Variants in POGLUT2 observed in about 807,000 individuals in gnomAD.
POGLUT2 encodes the protein protein O-glucosyltransferase 2.
In POGLUT2, 47 loss-of-function variants were observed where a neutral mutation model predicts 57.6. The observed-to-expected ratio is 0.82, with a 90% CI of 0.65 to 1.04. The LOEUF is 1.04. Ranked by LOEUF, POGLUT2 falls within the 50% of genes least tolerant of loss-of-function variation. POGLUT2 has a pLI of 0.00. For missense variants in POGLUT2, 565 were observed against 614.8 expected (o/e 0.92, Z 0.86); for synonymous variants, 200 against 218.8 (o/e 0.91, Z 0.76).
rs766142831 is a variant in POGLUT2 at position 102,791,249 on chromosome 13, A to C, written c.845+9T>G. ...CAAGGCTCTGGGCCAACCCTGACTT[A>C]TCTCTCACCGGCCCATGGTTTCCAG... On this transcript the variant is annotated intron_variant, in intron 5 of 9. Transcript: ENST00000376004. 1.8e-5 allele frequency: 28 copies of C among 1,599,422 alleles called. No individual in the cohort carries two copies. The highest frequency in any genetic ancestry group is 2.2e-5 in the East Asian group (1 of 44,750).
Position 102,789,151 on chromosome 13 carries a change from C to T in POGLUT2, c.1154G>A (p.Ser385Asn). The change falls in exon 7 of 10, where the codon AGT becomes AAT. Residue 385 changes from serine to asparagine, a missense_variant. Physicochemically the swap from Ser to Asn is conservative, Grantham distance 46. Coordinates refer to ENST00000376004, the MANE Select transcript of POGLUT2 (RefSeq NM_024089.3). ...GATGGAATCCTGCTTCAGCACAACA[C>T]TGTCACCAACTAGCAAATATGGCAG... is the stretch of plus-strand genomic sequence containing the variant. The part of the protein sequence containing the change: ...YRLPYLLVGD[S>N]VVLKQDSIYY... 1.9e-6 allele frequency: 3 copies of T among 1,614,182 alleles called. No individual in the cohort carries two copies. The highest frequency in any genetic ancestry group is 2.5e-6 in the Non-Finnish European group (3 of 1,180,002).
intron 6 of POGLUT2, among the ~76,000 whole-genome samples, chr13:102,789,650 T>C (rs1407199695): frequency 6.6e-6 from 1 of 152,138 alleles, no homozygotes; most frequent in Non-Finnish European, 1.5e-5. Flanking sequence ...CAGGCTGGAG[T>C]GTAGTGGCGT....
In POGLUT2 at chr13:102,788,976, CAAGTGGAAAT is replaced by C. The variant is rs747219560; in HGVS notation, c.1293+26_1293+35del. 3.9e-6 allele frequency: 6 copies of C among 1,520,200 alleles called. No individual in the cohort carries two copies. In the Admixed American group the frequency reaches 1.0e-4, roughly 25 times the overall value. The allele number at this position is 1,520,200 out of a possible 1,614,324, so 94.2% of individuals were successfully genotyped here. A position where few individuals can be genotyped will look rare whatever the true frequency, so the allele number is the denominator to read the frequency against. Reference sequence around the variant, plus strand: ...CAAAAGGACCCATGATATTGGGAAACAAGTGGAAATAAGCCTTCAAGGGGACTAACCTTAC... The same window carrying C: ...CAAAAGGACCCATGATATTGGGAAACAAGCCTTCAAGGGGACTAACCTTAC... On this transcript the variant is annotated intron_variant, in intron 7 of 9. Transcript: ENST00000376004.
rs1878161946 is a variant in POGLUT2, at chr13:102,791,271, C to T, written c.832G>A (p.Glu278Lys). The change falls in exon 5 of 10, where the codon GAA becomes AAA. Residue 278 changes from glutamate (E) to lysine (K), a missense_variant. Coordinates refer to ENST00000376004, the MANE Select transcript of POGLUT2 (RefSeq NM_024089.3). ...PTYDLTDSVLETMGRVSLDMM... is the reference protein window; with the variant it reads ...PTYDLTDSVLKTMGRVSLDMM... ...CTTATCTCTCACCGGCCCATGGTTT[C>T]CAGAACAGAATCAGTCAAATCGTAC... is the stretch of plus-strand genomic sequence containing the variant. 1 of 1,603,530 alleles carries T rather than the reference C, an allele frequency of 6.2e-7. No individual in the cohort carries two copies.
Position 102,793,762 on chromosome 13 carries a change from C to T in POGLUT2, c.433G>A (p.Ala145Thr), listed in dbSNP as rs751047311. The change falls in exon 3 of 10, where the codon GCA (alanine) becomes ACA (threonine). Residue 145 changes from alanine (A) to threonine (T), a missense_variant. By Grantham distance (58) the Ala-to-Thr change is moderately conservative. Coordinates refer to ENST00000376004, the MANE Select transcript of POGLUT2 (RefSeq NM_024089.3). ...ENCDCPLQDSAAWLREMNCPE... is the reference protein window; with the variant it reads ...ENCDCPLQDSTAWLREMNCPE... ...CAGTTCATCTCCCGTAGCCAGGCTGCACTATCTTGCAGAGGACAGTCACAG... is the reference window on the plus strand; with the variant it reads ...CAGTTCATCTCCCGTAGCCAGGCTGTACTATCTTGCAGAGGACAGTCACAG... 3 of 1,614,094 alleles carry T rather than the reference C, an allele frequency of 1.9e-6. No homozygotes were observed. Among genetic ancestry groups the T allele is most frequent in the African/African-American group, 1.3e-5 (1 of 74,922 alleles).
At position 102,791,073 on chromosome 13, in the gene POGLUT2, G is replaced by A; in HGVS notation, c.911C>T (p.Thr304Ile). 2 of 1,614,204 alleles carry A rather than the reference G, an allele frequency of 1.2e-6. No individual in the cohort carries two copies. The highest frequency in any genetic ancestry group is 1.7e-6 in the Non-Finnish European group (2 of 1,180,030). ...TGPPWESKNS[T>I]AVWRGRDSRK... ...GCTGTCTCGCCCTCTCCAGACGGCA[G>A]TGGAATTTTTGCTTTCCCAGGGAGG... Residue 304 changes from threonine to isoleucine, a missense_variant, in exon 6 of 10, where the codon ACT becomes ATT. Transcript: ENST00000376004.
chr13:102,798,390 AC>A, intron 1 of POGLUT2, 98 bp downstream of exon 1: 1 of 1,112,936 alleles, frequency 9.0e-7, no homozygotes. Context: ...TGGAATATAA[AC>A]TGCTGTGGAG....
rs1279171526 is a variant in POGLUT2, at chr13:102,790,743, C to G, written c.1083+158G>C. On this transcript the variant is annotated intron_variant, in intron 6 of 9. Coordinates refer to ENST00000376004, the MANE Select transcript of POGLUT2 (RefSeq NM_024089.3). ...GGCAGTGAGGGCAGACCCTGGTTGC[C>G]AAAACAGTCCCCAGCACCCCCATGT... is the stretch of plus-strand genomic sequence containing the variant. Among the ~76,000 whole-genome samples, 3 of 152,102 alleles carry G rather than the reference C, an allele frequency of 2.0e-5. No individual in the cohort carries two copies. The East Asian group carries it at 5.8e-4, about 29-fold the overall frequency.
Position 102,793,597 on chromosome 13 carries a change from G to A in POGLUT2, c.594+4C>T. 1 of 1,609,454 alleles carries A rather than the reference G, an allele frequency of 6.2e-7. No homozygotes were observed. Among genetic ancestry groups the A allele is most frequent in the Non-Finnish European group, 8.5e-7 (1 of 1,176,144 alleles). On this transcript the variant is annotated splice_donor_region_variant and intron_variant, in intron 3 of 9. Coordinates refer to ENST00000376004, the MANE Select transcript of POGLUT2 (RefSeq NM_024089.3). ...ACAAACAAGCAAAAAATCATGTGTT[G>A]TACCTTGTTATCCTTTAAGGTGTAG...
At chr13:102,787,017 GT>G (rs1212619485) in intron 8 of POGLUT2, among the ~76,000 whole-genome samples, 1 of 151,636 alleles carries the variant, frequency 6.6e-6, no homozygotes, top group Non-Finnish European at 1.5e-5. Context: ...CCAAGAACTT[GT>G]TTACTACCTG....
intron 2 of POGLUT2, among the ~76,000 whole-genome samples, chr13:102,796,309 A>AAAAAAAAAAAATAAAT (rs1555319540): frequency 1.6e-5 from 2 of 125,986 alleles, no homozygotes; most frequent in Non-Finnish European, 3.2e-5. Context: ...AAAAAAAAAA[A>AAAAAAAAAAAATAAAT]AAATAAATAA....
Position 102,798,521 on chromosome 13 carries a change from G to C in POGLUT2, c.150C>G (p.Phe50Leu), listed in dbSNP as rs1224575267. The C allele has an allele frequency of 1.2e-6, 2 of 1,612,338 alleles. No homozygotes were observed. The highest frequency in any genetic ancestry group is 1.7e-6 in the Non-Finnish European group (2 of 1,179,158). Residue 50 changes from phenylalanine to leucine, a missense_variant, in exon 1 of 10, where the codon TTC becomes TTG. Physicochemically the swap from Phe to Leu is conservative, Grantham distance 22. Coordinates refer to ENST00000376004, the MANE Select transcript of POGLUT2 (RefSeq NM_024089.3). Reference protein sequence around the residue: ...KADVVLPARYFYIQAVDTSGN... With the variant: ...KADVVLPARYLYIQAVDTSGN... ...CTGATGTATCCACTGCCTGAATATA[G>C]AAATAGCGGGCGGGAAGGACGACGT... is the stretch of plus-strand genomic sequence containing the variant.
chr13:102,794,791 C>A (rs1435632423), intron 2 of POGLUT2, among the ~76,000 whole-genome samples: 1 of 152,012 alleles, frequency 6.6e-6, no homozygotes, highest in Non-Finnish European at 1.5e-5. Context: ...GAGGAGCATA[C>A]CTATTTTAAT....
chr13:102,796,686 A>T (rs1158307324), intron 2 of POGLUT2, 118 bp downstream of exon 2: 99 of 45,802 alleles, frequency 2.2e-3, no homozygotes, highest in African/African-American at 9.2e-3. Context: ...CTTTCAGTAA[A>T]AAAAAAAAAA....
intron 4 of POGLUT2, among the ~76,000 whole-genome samples, chr13:102,792,481 C>A (rs1047092297): frequency 2.6e-5 from 4 of 152,146 alleles, no homozygotes; most frequent in East Asian, 1.9e-4. Flanking sequence ...TGTGTCCCTG[C>A]AAAAGATATG....
Position 102,797,026 on chromosome 13 carries a change from A to C in POGLUT2, c.183-17T>G. 6.3e-7 allele frequency: 1 copy of C among 1,576,410 alleles called. No homozygotes were observed. The highest frequency in any genetic ancestry group is 8.7e-7 in the Non-Finnish European group (1 of 1,147,972). On this transcript the variant is annotated splice_polypyrimidine_tract_variant and intron_variant, in intron 1 of 9. Coordinates refer to ENST00000376004, the MANE Select transcript of POGLUT2 (RefSeq NM_024089.3). ...GATGTGAATCTGTGATGAAAAGGCA[A>C]TGGGGGAGATAAACAGATTTTAACG...
At chr13:102,785,451 TAC>T (rs56102018) in intron 9 of POGLUT2, among the ~76,000 whole-genome samples, 11,690 of 148,464 alleles carry the variant, frequency 0.079, 1,051 homozygotes, top group African/African-American at 0.23. Flanking sequence ...CAGCATATGT[TAC>T]ACACACACAC....
At position 102,793,700 on chromosome 13, in the gene POGLUT2, T is replaced by C; in HGVS notation, c.495A>G (p.Ala165=). The change falls in exon 3 of 10, where the codon GCA becomes GCG. Residue 165 remains alanine (A), a synonymous_variant. Transcript: ENST00000376004. ...TTTCTGGATCCACAGCAGGGAAATG[T>C]GCCAGATCTCTCTGAATCTGAGCAA... The part of the protein sequence containing the change: ...ETIAQIQRDL[A]HFPAVDPEKI... 1 of 1,614,180 alleles carries C rather than the reference T, an allele frequency of 6.2e-7. No individual in the cohort carries two copies. The highest frequency in any genetic ancestry group is 1.1e-5 in the South Asian group (1 of 91,084).
At chr13:102,794,600 G>A (rs1304547668) in intron 2 of POGLUT2, among the ~76,000 whole-genome samples, 1 of 152,178 alleles carries the variant, frequency 6.6e-6, no homozygotes, top group Non-Finnish European at 1.5e-5. Context: ...GGGAGGTGAA[G>A]GTTGCAGTGA....
Sources: gnomAD v4.1 joint callset for allele counts (sites outside exome capture counted in the v4.1 genomes callset) on GRCh38, gnomAD v4.1.1 for gene constraint, MANE v1.5 for transcripts, NCBI Gene and HGNC (gene_info 2026-07-23, HGNC 2026-07-21) for gene names.